The following USP14 variants were observed in gnomAD, a reference collection of about 807,000 sequenced individuals.
USP14 encodes the protein ubiquitin specific peptidase 14, also known as ubiquitin carboxyl-terminal hydrolase 14.
A neutral mutation model predicts 76.5 loss-of-function variants in USP14; 38 were observed. That is an observed-to-expected ratio of 0.50 (90% CI 0.38 to 0.65). The LOEUF (loss-of-function observed/expected upper bound fraction) is 0.65, where lower values mean the gene tolerates loss of function less well. Among genes scored for constraint, USP14 ranks in the 30% least tolerant of loss-of-function variants. USP14 has a pLI of 0.00. For synonymous variants in USP14, 192 were observed against 191.7 expected (o/e 1.00, Z -0.01); for missense variants, 467 against 586.5 (o/e 0.80, Z 2.10).
At chr18:176,200 A>G (rs185990595) in intron 3 of USP14, among the ~76,000 whole-genome samples, 390 of 150,614 alleles carry the variant, frequency 2.6e-3, no homozygotes, top group Non-Finnish European at 4.0e-3. Flanking sequence ...TACTTCGTTT[A>G]TTTTTTCTCT....
intron 13 of USP14, among the ~76,000 whole-genome samples, chr18:207,133 T>C (rs1598280504): frequency 1.4e-5 from 2 of 145,580 alleles, no homozygotes; most frequent in South Asian, 4.5e-4. Context: ...TCTGTATTTA[T>C]GAGTGTATTT....
intron 3 of USP14, among the ~76,000 whole-genome samples, chr18:168,278 A>G (rs954690750): frequency 6.6e-6 from 1 of 152,044 alleles, no homozygotes; most frequent in African/African-American, 2.4e-5. Flanking sequence ...CTTGTAAGCA[A>G]TTCACTTACT....
chr18:214,440 C>T lies in USP14; in HGVS notation c.*3156C>T. 1 of 560,570 alleles carries T rather than the reference C, an allele frequency of 1.8e-6. No individual in the cohort carries two copies. 34.7% of individuals were successfully genotyped at this position (560,570 alleles called of 1,614,324 possible). On this transcript the variant is annotated 3_prime_UTR_variant, in exon 16 of 16. Coordinates refer to ENST00000261601, the MANE Select transcript of USP14 (RefSeq NM_005151.4). ...GAGGTCACTTCGTTTAGGTCATTAT[C>T]TCAACCCAACCTCCCCAAACTCTGG...
intron 3 of USP14, among the ~76,000 whole-genome samples, chr18:177,203 C>T (rs1258561853): frequency 6.6e-6 from 1 of 151,578 alleles, no homozygotes; most frequent in African/African-American, 2.4e-5. Context: ...ATTGTGTTTT[C>T]CAACTGGTTA....
chr18:204,833 A>G, intron 13 of USP14, 141 bp downstream of exon 13: 2 of 900,516 alleles, frequency 2.2e-6, no homozygotes, highest in East Asian at 2.7e-5. Context: ...AATCTGTATT[A>G]CAATTAGCAG....
chr18:209,653 T>C (rs1179272265), intron 13 of USP14, among the ~76,000 whole-genome samples: 2 of 152,194 alleles, frequency 1.3e-5, no homozygotes, highest in Non-Finnish European at 2.9e-5. Flanking sequence ...AATTGGGTTT[T>C]TCCTTTTCTG....
chr18:159,311 G>C lies in USP14; in HGVS notation c.16+597G>C, dbSNP rs113476752. 1.2e-3 allele frequency among the ~76,000 whole-genome samples: 187 copies of C among 152,308 alleles called. 1 individual carries two copies. Among genetic ancestry groups the C allele is most frequent in the African/African-American group, 4.1e-3 (172 of 41,578 alleles). ...TGCATTGGATTTCTGTATCCGAAAC[G>C]TGGTGTGAGCTTTCAGAAGTAGATG... is the stretch of plus-strand genomic sequence containing the variant. On this transcript the variant is annotated intron_variant, in intron 1 of 15. Coordinates refer to ENST00000261601, the MANE Select transcript of USP14 (RefSeq NM_005151.4).
chr18:210,378 T>G lies in USP14; in HGVS notation c.1226-8T>G. 1 of 1,577,966 alleles carries G rather than the reference T, an allele frequency of 6.3e-7. No homozygotes were observed. Among genetic ancestry groups the G allele is most frequent in the Non-Finnish European group, 8.6e-7 (1 of 1,157,726 alleles). On this transcript the variant is annotated splice_region_variant and splice_polypyrimidine_tract_variant and intron_variant, in intron 14 of 15. Coordinates refer to ENST00000261601, the MANE Select transcript of USP14 (RefSeq NM_005151.4). Reference sequence around the variant, plus strand: ...GTCTAATATTAATGGATTTACATCTTTCTTTAGATATTGGCTCCAATAATT... The same window carrying G: ...GTCTAATATTAATGGATTTACATCTGTCTTTAGATATTGGCTCCAATAATT...
rs114575888 is a variant in USP14 at position 184,283 on chromosome 18, G to A, written c.404+3944G>A. On this transcript the variant is annotated intron_variant, in intron 5 of 15. Coordinates refer to ENST00000261601, the MANE Select transcript of USP14 (RefSeq NM_005151.4). ...TTCTCAAGAGAGTGCACTTACTAAC[G>A]TAATTGATACAAGATGTCATGGATG... Among the ~76,000 whole-genome samples, 374 of 152,176 alleles carry A rather than the reference G, an allele frequency of 2.5e-3. 3 individuals are homozygous for A. The highest frequency in any genetic ancestry group is 8.5e-3 in the African/African-American group (353 of 41,518).
At chr18:161,156 G>C (rs1419295757) in intron 1 of USP14, among the ~76,000 whole-genome samples, 4 of 152,152 alleles carry the variant, frequency 2.6e-5, no homozygotes, top group Non-Finnish European at 5.9e-5. Flanking sequence ...TCAAACCCCT[G>C]ACCTCAGGTG....
In USP14 at chr18:198,911, C is replaced by T. The variant is rs530062016; in HGVS notation, c.762-291C>T. On this transcript the variant is annotated intron_variant, in intron 9 of 15. Coordinates refer to ENST00000261601, the MANE Select transcript of USP14 (RefSeq NM_005151.4). ...GAAAAACTTAGAAACAATTTATGTA[C>T]CTTTGGGCTTCTAAGACCATTATAA... 2.0e-4 allele frequency among the ~76,000 whole-genome samples: 30 copies of T among 152,180 alleles called. No individual in the cohort carries two copies. In the South Asian group the frequency reaches 6.2e-3, roughly 32 times the overall value.
Position 158,734 on chromosome 18 carries a change from C to T in USP14, c.16+20C>T, listed in dbSNP as rs770939713. 6.7e-7 allele frequency: 1 copy of T among 1,497,432 alleles called. No homozygotes were observed. Among genetic ancestry groups the T allele is most frequent in the Non-Finnish European group, 8.8e-7 (1 of 1,131,584 alleles). 92.8% of individuals were successfully genotyped at this position (1,497,432 alleles called of 1,614,324 possible). On this transcript the variant is annotated intron_variant, in intron 1 of 15. Transcript: ENST00000261601. ...ACTCCGGTGAGCCCTGTCCTGGCCT[C>T]GCGCGCAGCACACCGGACCGGCGCT...
At position 214,603 on chromosome 18, in the gene USP14, A is replaced by C; in HGVS notation, c.*3319A>C. ...TGGTAACAAAATCTATCACAGTTTT[A>C]ATAAAAAGAAAAAAAAAAGAAGCTA... On this transcript the variant is annotated 3_prime_UTR_variant, in exon 16 of 16. Coordinates refer to ENST00000261601, the MANE Select transcript of USP14 (RefSeq NM_005151.4). The C allele has an allele frequency of 6.3e-7, 1 of 1,575,250 alleles. No homozygotes were observed. Among genetic ancestry groups the C allele is most frequent in the South Asian group, 1.2e-5 (1 of 84,818 alleles).
chr18:193,930 C>G (rs143423200), intron 6 of USP14, among the ~76,000 whole-genome samples: 16 of 152,308 alleles, frequency 1.1e-4, no homozygotes, highest in Middle Eastern at 3.4e-3. Flanking sequence ...GCTTTCATTT[C>G]TCTTTGGTAT....
Position 211,477 on chromosome 18 carries a change from T to A in USP14, c.*193T>A, listed in dbSNP as rs1567838304. 1.1e-5 allele frequency: 5 copies of A among 463,912 alleles called. No individual in the cohort carries two copies. Among genetic ancestry groups the A allele is most frequent in the Non-Finnish European group, 1.8e-5 (5 of 271,352 alleles). 28.7% of individuals were successfully genotyped at this position (463,912 alleles called of 1,614,324 possible). On this transcript the variant is annotated 3_prime_UTR_variant, in exon 16 of 16. Transcript: ENST00000261601. The stretch of plus-strand genomic sequence containing the variant: ...AGAGAAGAGAAAATTATCTTTGGAT[T>A]GTGCTGCCCTATATAAAGGTGGCAG...
At chr18:197,486 T>A in intron 7 of USP14, 130 bp from the exon 8 acceptor site, 2 of 642,626 alleles carry the variant, frequency 3.1e-6, no homozygotes, top group Non-Finnish European at 5.3e-6. Flanking sequence ...GAAGATCGTA[T>A]GTCTTATTTG....
Position 211,207 on chromosome 18 carries a change from G to A in USP14, c.1408G>A (p.Gly470Arg). The change falls in exon 16 of 16, where the codon GGA (glycine) becomes AGA (arginine). Residue 470 changes from glycine to arginine, a missense_variant. Coordinates refer to ENST00000261601, the MANE Select transcript of USP14 (RefSeq NM_005151.4). ...AGATATCTTACGGCTTTCTGGTGGT[G>A]GAGACTGGCATATCGCTTACGTTCT... Reference protein sequence around the residue: ...PEDILRLSGGGDWHIAYVLLY... With the variant: ...PEDILRLSGGRDWHIAYVLLY... 2.5e-6 allele frequency: 4 copies of A among 1,614,092 alleles called. No homozygotes were observed. Among genetic ancestry groups the A allele is most frequent in the Non-Finnish European group, 3.4e-6 (4 of 1,179,972 alleles).
chr18:198,739 T>TA (rs1910308876), intron 9 of USP14, among the ~76,000 whole-genome samples: 1 of 152,110 alleles, frequency 6.6e-6, no homozygotes, highest in African/African-American at 2.4e-5. Context: ...ATTAATTTCT[T>TA]ATATGTCAAG....
At chr18:171,514 C>T (rs751760709) in intron 3 of USP14, among the ~76,000 whole-genome samples, 2 of 152,110 alleles carry the variant, frequency 1.3e-5, no homozygotes, top group Non-Finnish European at 2.9e-5. Context: ...TTAAGGCCAC[C>T]ATTGAGACTT....
Sources: gnomAD v4.1 joint callset for allele counts (sites outside exome capture counted in the v4.1 genomes callset) on GRCh38, gnomAD v4.1.1 for gene constraint, MANE v1.5 for transcripts, NCBI Gene and HGNC (gene_info 2026-07-23, HGNC 2026-07-21) for gene names.